EGFLAM: variants seen among roughly 807,000 people sequenced by gnomAD.
EGFLAM encodes the protein EGF like, fibronectin type III and laminin G domains.
EGFLAM carries 79 observed loss-of-function variants against 113.1 expected under a neutral mutation model. The ratio of observed to expected loss-of-function variants is 0.70; its 90% CI spans 0.58 to 0.84. The LOEUF is 0.84. Among genes scored for constraint, EGFLAM ranks in the 40% least tolerant of loss-of-function variants. The probability of loss-of-function intolerance (pLI) is 0.00; values close to 1 mark genes in which losing one functional copy is unlikely to be tolerated. For synonymous variants in EGFLAM, 504 were observed against 487.6 expected, an observed-to-expected ratio of 1.03 and a Z score of -0.44; for missense variants, 1,265 against 1,291.6, an observed-to-expected ratio of 0.98 and a Z score of 0.32.
Position 38,462,918 on chromosome 5 carries a change from TCAG to T in EGFLAM, c.2783_2785del (p.Ser928_Gly929delinsTer). The T allele has an allele frequency of 1.9e-6, 3 of 1,614,138 alleles. No homozygotes were observed. Among genetic ancestry groups the T allele is most frequent in the Non-Finnish European group, 2.5e-6 (3 of 1,180,018 alleles). ...TTTGGTGTTTTGCAGGGATGGCCAG[TCAG>T]GAAAGATAACCGTGGATGACTATGG... is the stretch of plus-strand genomic sequence containing the variant. On this transcript the variant is annotated stop_gained and inframe_deletion, in exon 21 of 22. Coordinates refer to ENST00000322350, the MANE Select transcript of EGFLAM (RefSeq NM_152403.4). LOFTEE classifies it high-confidence loss of function.
At chr5:38,259,982 A>G (rs1757458242) in intron 1 of EGFLAM, among the ~76,000 whole-genome samples, 2 of 152,206 alleles carry the variant, frequency 1.3e-5, no homozygotes, top group African/African-American at 4.8e-5. Flanking sequence ...AAGCGTCCTC[A>G]GTCTTTGCAC....
intron 3 of EGFLAM, among the ~76,000 whole-genome samples, chr5:38,348,114 G>A (rs115980894): frequency 0.012 from 1,830 of 152,176 alleles, 40 homozygotes; most frequent in African/African-American, 0.042. Context: ...TTTGGCAGTA[G>A]GAGGAGGAAT....
chr5:38,429,954 G>T, intron 14 of EGFLAM: 1 of 209,716 alleles, frequency 4.8e-6, no homozygotes, highest in South Asian at 9.0e-5. Context: ...CTTCAAACTT[G>T]ACCTTGGCCT....
intron 1 of EGFLAM, among the ~76,000 whole-genome samples, chr5:38,324,615 T>A (rs1297501768): frequency 1.3e-5 from 2 of 151,514 alleles, no homozygotes; most frequent in Non-Finnish European, 2.9e-5. Context: ...GAGGTTCCAA[T>A]CCAATGGCCC....
intron 17 of EGFLAM, among the ~76,000 whole-genome samples, chr5:38,440,286 AC>A: frequency 6.6e-6 from 1 of 152,320 alleles, no homozygotes; most frequent in South Asian, 2.1e-4. Flanking sequence ...AAATCAAGAT[AC>A]TGCTTCTGGG....
At chr5:38,268,752 G>T (rs1353330122) in intron 1 of EGFLAM, among the ~76,000 whole-genome samples, 2 of 152,164 alleles carry the variant, frequency 1.3e-5, no homozygotes, top group African/African-American at 4.8e-5. Flanking sequence ...TTTTAAAAAG[G>T]AATCTAAAAA....
At chr5:38,271,088 G>A (rs2111715837) in intron 1 of EGFLAM, among the ~76,000 whole-genome samples, 1 of 152,100 alleles carries the variant, frequency 6.6e-6, no homozygotes, top group East Asian at 1.9e-4. Flanking sequence ...ATTGATGAAA[G>A]AGTTGGAGTC....
At chr5:38,450,826 T>C (rs1052339307) in intron 18 of EGFLAM, among the ~76,000 whole-genome samples, 10 of 150,828 alleles carry the variant, frequency 6.6e-5, no homozygotes, top group African/African-American at 2.0e-4. Flanking sequence ...CTTGTTCCTT[T>C]GTCTGAGACG....
At chr5:38,387,896 A>C (rs948502185) in intron 6 of EGFLAM, among the ~76,000 whole-genome samples, 1 of 152,154 alleles carries the variant, frequency 6.6e-6, no homozygotes, top group Admixed American at 6.5e-5. Context: ...GACTCAAGCC[A>C]GGCTTCTTTC....
intron 5 of EGFLAM, among the ~76,000 whole-genome samples, chr5:38,354,334 T>C (rs1739706938): frequency 6.6e-6 from 1 of 152,168 alleles, no homozygotes; most frequent in Non-Finnish European, 1.5e-5. Context: ...AGCTTTCTCA[T>C]CTGTAAAACT....
chr5:38,303,831 C>T (rs2111835442), intron 1 of EGFLAM, among the ~76,000 whole-genome samples: 1 of 151,998 alleles, frequency 6.6e-6, no homozygotes, highest in East Asian at 1.9e-4. Flanking sequence ...AACAACTTAA[C>T]AGACATAAGA....
Position 38,397,585 on chromosome 5 carries a change from G to A in EGFLAM, c.713-8541G>A, listed in dbSNP as rs140848356. 2.6e-3 allele frequency among the ~76,000 whole-genome samples: 390 copies of A among 152,152 alleles called. 2 individuals are homozygous for A. The highest frequency in any genetic ancestry group is 8.6e-3 in the African/African-American group (357 of 41,530). On this transcript the variant is annotated intron_variant, in intron 6 of 21. Transcript: ENST00000322350. ...TGGGATCACAGGTGTAAGCTACCAC[G>A]TCCAGCATCAGATTCAATATTTTCT...
At chr5:38,333,480 T>G (rs1360723938) in intron 1 of EGFLAM, among the ~76,000 whole-genome samples, 1 of 152,236 alleles carries the variant, frequency 6.6e-6, no homozygotes, top group Non-Finnish European at 1.5e-5. Flanking sequence ...TTTGACTTTT[T>G]AATAATAGCC....
chr5:38,425,517 G>A (rs1741975725), intron 13 of EGFLAM, among the ~76,000 whole-genome samples: 1 of 152,144 alleles, frequency 6.6e-6, no homozygotes, highest in Non-Finnish European at 1.5e-5. Flanking sequence ...ATTTTTATGG[G>A]ATCAACATTG....
intron 5 of EGFLAM, among the ~76,000 whole-genome samples, chr5:38,359,683 A>G (rs1285670630): frequency 1.3e-5 from 2 of 152,216 alleles, no homozygotes; most frequent in African/African-American, 4.8e-5. Flanking sequence ...AAACACACAC[A>G]CACAAAGTCT....
At chr5:38,343,552 A>T (rs1739399561) in intron 3 of EGFLAM, among the ~76,000 whole-genome samples, 1 of 152,154 alleles carries the variant, frequency 6.6e-6, no homozygotes, top group Non-Finnish European at 1.5e-5. Flanking sequence ...CATAAGGAAG[A>T]TTTGTCCAGC....
chr5:38,349,711 G>C (rs1579805144), intron 3 of EGFLAM, among the ~76,000 whole-genome samples: 2 of 151,776 alleles, frequency 1.3e-5, no homozygotes, highest in Admixed American at 1.3e-4. Context: ...GCTCAAGGTG[G>C]AGAAAGCCCT....
chr5:38,445,530 T>C, intron 17 of EGFLAM: 1 of 1,558,272 alleles, frequency 6.4e-7, no homozygotes, highest in Non-Finnish European at 8.7e-7. Context: ...ATATTCACAT[T>C]CCCTAAGAGG....
intron 6 of EGFLAM, among the ~76,000 whole-genome samples, chr5:38,398,359 T>G (rs947562153): frequency 3.9e-5 from 6 of 152,340 alleles, no homozygotes; most frequent in African/African-American, 1.2e-4. Context: ...AGTGTTGATT[T>G]CCTCAAGGAT....
Sources: gnomAD v4.1 joint callset for allele counts (sites outside exome capture counted in the v4.1 genomes callset) on GRCh38, gnomAD v4.1.1 for gene constraint, MANE v1.5 for transcripts, NCBI Gene and HGNC (gene_info 2026-07-23, HGNC 2026-07-21) for gene names.